The following CCDC3 variants were observed in gnomAD, a reference collection of about 807,000 sequenced individuals.
CCDC3 encodes coiled-coil domain-containing protein 3.
Under a neutral mutation model 21.4 loss-of-function variants are expected in CCDC3, and 24 were observed. The ratio of observed to expected loss-of-function variants is 1.12; its 90% confidence interval spans 0.81 to 1.58. The LOEUF (loss-of-function observed/expected upper bound fraction) is 1.58, where lower values mean the gene tolerates loss of function less well. CCDC3 is among the 40% of genes most tolerant of loss of function. CCDC3 has a pLI of 0.00. For synonymous variants in CCDC3, 186 were observed against 166.0 expected (o/e 1.12, Z -0.93); for missense variants, 425 against 360.9 (o/e 1.18, Z -1.44).
At chr10:12,905,967 T>C (rs1051499380) in intron 2 of CCDC3, among the ~76,000 whole-genome samples, 1 of 152,234 alleles carries the variant, frequency 6.6e-6, no homozygotes, top group Non-Finnish European at 1.5e-5. Context: ...GGGAGCTTGA[T>C]GGGAAGCCCA....
intron 5 of CCDC3, among the ~76,000 whole-genome samples, chr10:13,044,214 GC>G (rs1836496289): frequency 6.6e-6 from 1 of 152,092 alleles, no homozygotes; most frequent in African/African-American, 2.4e-5. Context: ...ATTGTTTCTT[GC>G]TTGTTGAATT....
intron 1 of CCDC3, among the ~76,000 whole-genome samples, chr10:13,000,598 G>A (rs961068561): frequency 1.3e-5 from 2 of 152,060 alleles, no homozygotes; most frequent in African/African-American, 2.4e-5. Context: ...AAGCAATCCC[G>A]GGCTACATTC....
At chr10:13,055,680 C>A (rs1836673055) in intron 4 of CCDC3, among the ~76,000 whole-genome samples, 1 of 152,222 alleles carries the variant, frequency 6.6e-6, no homozygotes, top group Non-Finnish European at 1.5e-5. Context: ...TTTAAAGACA[C>A]TCTTCCAACA....
chr10:12,961,805 C>T (rs1343346560), intron 2 of CCDC3, among the ~76,000 whole-genome samples: 1 of 152,160 alleles, frequency 6.6e-6, no homozygotes, highest in East Asian at 1.9e-4. Flanking sequence ...TCATGCTGCT[C>T]AACCCCTCAT....
chr10:13,038,985 C>T (rs1008177286), intron 5 of CCDC3, among the ~76,000 whole-genome samples: 2 of 152,138 alleles, frequency 1.3e-5, no homozygotes, highest in African/African-American at 4.8e-5. Flanking sequence ...AAACAGGGGT[C>T]CCTGGAGTAG....
intron 3 of CCDC3, among the ~76,000 whole-genome samples, chr10:13,078,614 T>A (rs999666857): frequency 2.6e-5 from 4 of 152,216 alleles, no homozygotes; most frequent in Non-Finnish European, 4.4e-5. Context: ...CCAACCCAAA[T>A]GTCCATCAAT....
chr10:13,053,375 C>T (rs1004622595), intron 4 of CCDC3, among the ~76,000 whole-genome samples: 3 of 152,004 alleles, frequency 2.0e-5, no homozygotes, highest in South Asian at 4.2e-4. Context: ...TCAAGACCAG[C>T]CTGGGCAACA....
At chr10:12,969,554 T>G (rs1004515031) in intron 2 of CCDC3, among the ~76,000 whole-genome samples, 1 of 151,626 alleles carries the variant, frequency 6.6e-6, no homozygotes, top group Non-Finnish European at 1.5e-5. Context: ...TGGGTACATA[T>G]CCAAAGGATA....
chr10:13,053,744 A>G (rs1444425141), intron 4 of CCDC3, among the ~76,000 whole-genome samples: 1 of 152,080 alleles, frequency 6.6e-6, no homozygotes, highest in Admixed American at 6.6e-5. Context: ...TCACCCCAAA[A>G]TGGACGAGCT....
At chr10:13,085,278 G>A (rs1020344247) in intron 3 of CCDC3, among the ~76,000 whole-genome samples, 1 of 152,150 alleles carries the variant, frequency 6.6e-6, no homozygotes, top group African/African-American at 2.4e-5. Context: ...TGTCACTAAA[G>A]GGAGCCACTC....
chr10:12,983,309 A>G (rs1219874052), intron 2 of CCDC3, among the ~76,000 whole-genome samples: 2 of 151,400 alleles, frequency 1.3e-5, no homozygotes, highest in African/African-American at 4.8e-5. Context: ...GTGGTGGCTC[A>G]TGCCTGTAAT....
chr10:13,087,360 C>A (rs1027058636), intron 3 of CCDC3, among the ~76,000 whole-genome samples: 4 of 150,144 alleles, frequency 2.7e-5, no homozygotes, highest in African/African-American at 9.8e-5. Flanking sequence ...GCTGAGATTG[C>A]GCCATTGCAC....
chr10:13,001,404 G>T lies in CCDC3; in HGVS notation c.167C>A (p.Pro56His), dbSNP rs1168376489. ...ARVLALHPEA[P>H]GLYNHLPWQY... ...CCAGGGCAGGTGGTTGTAGAGGCCGGGCGCCTCGGGGTGCAGCGCCAGCAC... is the reference window on the plus strand; with the variant it reads ...CCAGGGCAGGTGGTTGTAGAGGCCGTGCGCCTCGGGGTGCAGCGCCAGCAC... Residue 56 changes from proline (P) to histidine (H), a missense_variant, in exon 1 of 3, where the codon CCC becomes CAC. Coordinates refer to ENST00000378825, the MANE Select transcript of CCDC3 (RefSeq NM_031455.4). The T allele has an allele frequency of 1.3e-6, 2 of 1,564,626 alleles. No individual in the cohort carries two copies. The highest frequency in any genetic ancestry group is 1.9e-5 in the Admixed American group (1 of 53,006).
At chr10:13,053,014 G>GT (rs1174543073) in intron 4 of CCDC3, among the ~76,000 whole-genome samples, 70 of 147,652 alleles carry the variant, frequency 4.7e-4, no homozygotes, top group African/African-American at 1.6e-3. Context: ...AAGTTCCAAT[G>GT]TTTTTTTTCT....
chr10:12,983,652 T>A (rs1835541190), intron 2 of CCDC3, among the ~76,000 whole-genome samples: 2 of 128,684 alleles, frequency 1.6e-5, no homozygotes, highest in African/African-American at 3.1e-5. Flanking sequence ...GTCATAGCTC[T>A]AATAAAAAGA....
rs539126070 is a variant in CCDC3 at position 12,934,427 on chromosome 10, G to C, written c.550-35748C>G. ...TGAGAAGAATATGTGGCCTGCTGTT[G>C]GTGGATGAAGGAGTATGTAAGTGGC... On this transcript the variant is annotated intron_variant, in intron 2 of 2. Transcript: ENST00000378825. Among the ~76,000 whole-genome samples the C allele has an allele frequency of 2.8e-4, 43 of 152,280 alleles. No individual in the cohort carries two copies. The South Asian group carries it at 8.7e-3, about 31-fold the overall frequency.
chr10:12,930,991 A>T (rs1412566004), intron 2 of CCDC3, among the ~76,000 whole-genome samples: 2 of 152,122 alleles, frequency 1.3e-5, no homozygotes, highest in African/African-American at 2.4e-5. Flanking sequence ...CGGGAGGATC[A>T]CCTGAGGTCA....
intron 2 of CCDC3, among the ~76,000 whole-genome samples, chr10:12,941,004 G>C (rs1044661735): frequency 2.0e-5 from 3 of 152,184 alleles, no homozygotes; most frequent in Non-Finnish European, 4.4e-5. Flanking sequence ...ATTTTGTGTA[G>C]AGGCTGGGTA....
intron 4 of CCDC3, among the ~76,000 whole-genome samples, chr10:13,070,483 C>T (rs1836868898): frequency 6.6e-6 from 1 of 152,150 alleles, no homozygotes; most frequent in Non-Finnish European, 1.5e-5. Flanking sequence ...GTCAATAAAG[C>T]CCCATGGGAG....
Sources: allele counts gnomAD v4.1 joint callset (sites outside exome capture counted in the v4.1 genomes callset), GRCh38; gene constraint gnomAD v4.1.1; transcripts MANE v1.5; gene names NCBI Gene and HGNC (gene_info 2026-07-23, HGNC 2026-07-21).